The following TAB2 variants were observed in gnomAD, a reference collection of about 807,000 sequenced individuals.
TAB2 encodes TGF-beta activated kinase 1 (MAP3K7) binding protein 2, also known as TGF-beta-activated kinase 1 and MAP3K7-binding protein 2.
TAB2 carries 3 observed loss-of-function variants against 65.0 expected under a neutral mutation model. The ratio of observed to expected loss-of-function variants is 0.05; its 90% CI spans 0.02 to 0.12. The LOEUF (loss-of-function observed/expected upper bound fraction) is 0.12. Ranked by LOEUF, TAB2 falls within the 10% of genes least tolerant of loss-of-function variation. TAB2 has a pLI of 1.00. For synonymous variants in TAB2, 298 were observed against 285.1 expected (o/e 1.05, Z -0.46); for missense variants, 623 against 840.3 (o/e 0.74, Z 3.20).
chr6:149,345,508 A>G (rs543711), intron 1 of TAB2, among the ~76,000 whole-genome samples: 133,588 of 152,062 alleles, frequency 0.88, 58,697 homozygotes, highest in Middle Eastern at 0.97. Flanking sequence ...TACAAGTAAT[A>G]TTATAGAGAA....
At chr6:149,374,502 G>A (rs1007274465) in intron 2 of TAB2, among the ~76,000 whole-genome samples, 1 of 152,184 alleles carries the variant, frequency 6.6e-6, no homozygotes, top group Admixed American at 6.5e-5. Flanking sequence ...GATTACAGGG[G>A]TGAGCCACTG....
rs565404942 is a variant in TAB2 at position 149,297,973 on chromosome 6, A to G, written c.-121+79197A>G. ...GCTAAAAAATATTTGATTTTCTGGG[A>G]CAATACATTGGATTATGAAAATTCT... is the stretch of plus-strand genomic sequence containing the variant. On this transcript the variant is annotated intron_variant, in intron 1 of 1. Coordinates refer to the TAB2 transcript ENST00000606202. 4.6e-5 allele frequency among the ~76,000 whole-genome samples: 7 copies of G among 152,282 alleles called. No homozygotes were observed. The East Asian group carries it at 1.3e-3, about 29-fold the overall frequency.
At chr6:149,345,133 G>T (rs899381831) in intron 1 of TAB2, among the ~76,000 whole-genome samples, 1 of 151,882 alleles carries the variant, frequency 6.6e-6, no homozygotes, top group Non-Finnish European at 1.5e-5. Flanking sequence ...TACTTAGTCA[G>T]TTTGAGTGCT....
chr6:149,337,543 G>A (rs765142418), intron 1 of TAB2, among the ~76,000 whole-genome samples: 2 of 152,146 alleles, frequency 1.3e-5, no homozygotes, highest in Admixed American at 6.5e-5. Context: ...CAGAATAGAT[G>A]TGTTAACATA....
chr6:149,298,969 T>C (rs1012536812), intron 1 of TAB2, among the ~76,000 whole-genome samples: 1 of 152,370 alleles, frequency 6.6e-6, no homozygotes, highest in East Asian at 1.9e-4. Context: ...AAAAACATGC[T>C]TATCTCTATT....
At chr6:149,268,630 G>A (rs1197993987) in intron 1 of TAB2, among the ~76,000 whole-genome samples, 2 of 152,196 alleles carry the variant, frequency 1.3e-5, no homozygotes, top group Non-Finnish European at 2.9e-5. Context: ...AACACGAGGT[G>A]TCTTTGCATA....
At chr6:149,342,861 A>G (rs1261098541) in intron 1 of TAB2, 1 of 152,200 alleles carries the variant, frequency 6.6e-6, no homozygotes, top group Admixed American at 6.5e-5. Context: ...GCACCAGTCA[A>G]GCTTAGCCTG....
intron 3 of TAB2, among the ~76,000 whole-genome samples, chr6:149,383,992 C>T (rs981527647): frequency 6.6e-6 from 1 of 152,202 alleles, no homozygotes; most frequent in Non-Finnish European, 1.5e-5. Context: ...CACAGACACT[C>T]TCTGCAGTTA....
intron 1 of TAB2, among the ~76,000 whole-genome samples, chr6:149,301,079 G>A (rs1389002744): frequency 6.6e-5 from 10 of 152,344 alleles, no homozygotes. Context: ...TCATGAACTA[G>A]GCTAACAGGC....
intron 2 of TAB2, among the ~76,000 whole-genome samples, chr6:149,377,445 G>A (rs900565756): frequency 5.3e-5 from 8 of 151,680 alleles, no homozygotes; most frequent in African/African-American, 1.9e-4. Flanking sequence ...GCTACCTTGA[G>A]CCTCCAGAGA....
At chr6:149,398,974 G>A (rs1470397198) in intron 5 of TAB2, 130 bp from the exon 6 acceptor site, 1 of 772,748 alleles carries the variant, frequency 1.3e-6, no homozygotes, top group African/African-American at 1.8e-5. Context: ...ATAATTCGAG[G>A]TTAGAGGGGC....
At chr6:149,280,087 GC>G (rs1409432033) in intron 1 of TAB2, among the ~76,000 whole-genome samples, 3 of 152,064 alleles carry the variant, frequency 2.0e-5, no homozygotes, top group Non-Finnish European at 2.9e-5. Context: ...GTTAATATCT[GC>G]TTCCAGTACC....
At chr6:149,398,413 A>G (rs1264222207) in intron 5 of TAB2, among the ~76,000 whole-genome samples, 1 of 152,216 alleles carries the variant, frequency 6.6e-6, no homozygotes, top group African/African-American at 2.4e-5. Flanking sequence ...ACTTAAACCT[A>G]ATTCTGAAGT....
At chr6:149,298,801 C>T (rs759765034) in intron 1 of TAB2, among the ~76,000 whole-genome samples, 6 of 152,072 alleles carry the variant, frequency 3.9e-5, no homozygotes, top group Admixed American at 2.0e-4. Flanking sequence ...CACAAAGAAA[C>T]GTTAATTTTT....
intron 1 of TAB2, among the ~76,000 whole-genome samples, chr6:149,290,550 G>A (rs911802375): frequency 3.3e-5 from 5 of 152,124 alleles, no homozygotes; most frequent in African/African-American, 1.2e-4. Context: ...CTAGAAGAGT[G>A]TGTGGTATTT....
chr6:149,339,600 T>TTTTTTTTA (rs1780046756), intron 1 of TAB2, among the ~76,000 whole-genome samples: 1 of 53,864 alleles, frequency 1.9e-5, no homozygotes, highest in African/African-American at 6.4e-5. Context: ...TTTATTTATT[T>TTTTTTTTA]ATTTATTTTT....
At chr6:149,339,591 TTATTTATTTA>T (rs1258738674) in intron 1 of TAB2, among the ~76,000 whole-genome samples, 1 of 16,960 alleles carries the variant, frequency 5.9e-5, no homozygotes, top group African/African-American at 1.1e-4. Context: ...TCTTTTTTAT[TTATTTATTTA>T]TTTATTTTTT....
chr6:149,335,177 C>G (rs1480844050), intron 1 of TAB2, among the ~76,000 whole-genome samples: 1 of 151,930 alleles, frequency 6.6e-6, no homozygotes, highest in Non-Finnish European at 1.5e-5. Flanking sequence ...TTCTCATTAT[C>G]CTCTTTTGGT....
upstream of TAB2, chr6:149,317,691 G>A (rs1267454255): frequency 1.2e-5 from 2 of 160,174 alleles, no homozygotes; most frequent in East Asian, 3.9e-4. The surrounding 1 kb of genome is among the most constrained non-coding windows in gnomAD (Gnocchi z 4.7). Context: ...GAGGATTGGG[G>A]AGCGGCGACG....
Sources: gnomAD v4.1 joint callset for allele counts (sites outside exome capture counted in the v4.1 genomes callset) on GRCh38, gnomAD v4.1.1 for gene constraint, Gnocchi (gnomAD v3.1) non-coding constraint, MANE v1.5 for transcripts, NCBI Gene and HGNC (gene_info 2026-07-23, HGNC 2026-07-21) for gene names.